The following MYT1L variants were observed in gnomAD, a reference collection of about 807,000 sequenced individuals.
The protein encoded by MYT1L is myelin transcription factor 1-like protein.
In MYT1L, 12 loss-of-function variants were observed where a neutral mutation model predicts 126.7. The observed-to-expected ratio is 0.09, with a 90% CI of 0.06 to 0.15. MYT1L has a LOEUF of 0.15. MYT1L is among the 10% of genes least tolerant of loss of function. The pLI is 1.00. For synonymous variants in MYT1L, 541 were observed against 604.2 expected, an observed-to-expected ratio of 0.90 and a Z score of 1.53; for missense variants, 979 against 1,585.2, an observed-to-expected ratio of 0.62 and a Z score of 6.49.
chr2:2,225,654 G>T (rs1443463213), intron 2 of MYT1L, among the ~76,000 whole-genome samples: 2 of 152,136 alleles, frequency 1.3e-5, no homozygotes, highest in Non-Finnish European at 2.9e-5. Context: ...CCCCACCCCT[G>T]CTTGCCTCCT....
chr2:2,199,661 C>A (rs1199540373), intron 2 of MYT1L, among the ~76,000 whole-genome samples: 2 of 152,204 alleles, frequency 1.3e-5, no homozygotes, highest in African/African-American at 4.8e-5. Flanking sequence ...CAGTTAGTCT[C>A]CTCTGTCTTT....
intron 18 of MYT1L, among the ~76,000 whole-genome samples, chr2:1,866,600 A>T: frequency 9.9e-6 from 1 of 100,940 alleles, no homozygotes; most frequent in Non-Finnish European, 1.9e-5. Flanking sequence ...AGAGAGAGGG[A>T]GAGGGAGGGG....
At chr2:2,214,917 G>T (rs1350654678) in intron 2 of MYT1L, among the ~76,000 whole-genome samples, 3 of 152,110 alleles carry the variant, frequency 2.0e-5, no homozygotes, top group African/African-American at 4.8e-5. Flanking sequence ...TAAAATGTAT[G>T]ATAATAGCAC....
intron 2 of MYT1L, among the ~76,000 whole-genome samples, chr2:2,191,884 C>G (rs1201702620): frequency 6.6e-6 from 1 of 152,188 alleles, no homozygotes; most frequent in Non-Finnish European, 1.5e-5. Flanking sequence ...TGCACAACCT[C>G]CAGCATAGTT....
chr2:2,250,556 G>T (rs1046166699), intron 2 of MYT1L, among the ~76,000 whole-genome samples: 51 of 138,490 alleles, frequency 3.7e-4, no homozygotes, highest in Non-Finnish European at 5.2e-4. Flanking sequence ...ATGGTGAAAG[G>T]GTACAAAAAA....
intron 4 of MYT1L, among the ~76,000 whole-genome samples, chr2:2,024,956 T>C (rs907783438): frequency 2.6e-5 from 4 of 152,274 alleles, no homozygotes; most frequent in African/African-American, 4.8e-5. Context: ...CAGCTGCCCG[T>C]GCCCAGGCCT....
chr2:1,891,911 T>C (rs917151320), intron 15 of MYT1L, 126 bp downstream of exon 15: 11 of 1,408,994 alleles, frequency 7.8e-6, no homozygotes, highest in African/African-American at 4.4e-5. Flanking sequence ...GTGGCGAGAA[T>C]GGTTTAGGAG....
rs2093960648 is a variant in MYT1L at position 2,224,562 on chromosome 2, G to A, written c.-420-51574C>T. On this transcript the variant is annotated intron_variant, in intron 2 of 24. Coordinates refer to ENST00000647738, the MANE Select transcript of MYT1L (RefSeq NM_001303052.2). The surrounding 1 kb of genome is among the most constrained non-coding windows in gnomAD (Gnocchi z 4.0). ...AGGCTGGGCACGGTGGCTGAAGCCT[G>A]TAATCTCAACACTTTGGGAGGTCAA... Among the ~76,000 whole-genome samples the A allele has an allele frequency of 6.6e-6, 1 of 152,188 alleles. No homozygotes were observed. The highest frequency in any genetic ancestry group is 2.4e-5 in the African/African-American group (1 of 41,460).
At chr2:2,061,188 A>T (rs1324127020) in intron 3 of MYT1L, among the ~76,000 whole-genome samples, 3 of 152,032 alleles carry the variant, frequency 2.0e-5, no homozygotes, top group African/African-American at 7.2e-5. Flanking sequence ...TCTTGTTTTC[A>T]CTAGTGGCTC....
intron 9 of MYT1L, among the ~76,000 whole-genome samples, chr2:1,925,739 C>T (rs978877108): frequency 2.0e-5 from 3 of 152,138 alleles, no homozygotes; most frequent in East Asian, 1.9e-4. Context: ...ACTGAGGGCA[C>T]GGTTCGTCCT....
chr2:2,238,747 G>A (rs142418224), intron 2 of MYT1L, among the ~76,000 whole-genome samples: 5 of 152,238 alleles, frequency 3.3e-5, no homozygotes, highest in African/African-American at 1.2e-4. Flanking sequence ...GCAATGCAAC[G>A]ATTGTAAGTG....
intron 8 of MYT1L, among the ~76,000 whole-genome samples, chr2:1,977,431 G>T (rs551007153): frequency 6.6e-6 from 1 of 152,156 alleles, no homozygotes; most frequent in Non-Finnish European, 1.5e-5. Context: ...ATTTGGAAAC[G>T]TCACGATTTT....
At chr2:2,132,041 T>C (rs1296061531) in intron 3 of MYT1L, among the ~76,000 whole-genome samples, 1 of 151,180 alleles carries the variant, frequency 6.6e-6, no homozygotes, top group Non-Finnish European at 1.5e-5. Context: ...CCGGAGTAGC[T>C]GGGATTACAG....
intron 1 of MYT1L, among the ~76,000 whole-genome samples, chr2:2,290,914 C>T (rs1190264268): frequency 6.6e-6 from 1 of 152,154 alleles, no homozygotes; most frequent in Non-Finnish European, 1.5e-5. Flanking sequence ...TGCTATTCTG[C>T]TAGTTCTTAG....
intron 1 of MYT1L, among the ~76,000 whole-genome samples, chr2:2,327,773 G>C (rs2096259901): frequency 1.3e-5 from 2 of 152,136 alleles, no homozygotes; most frequent in African/African-American, 4.8e-5. Flanking sequence ...AAGCAGAGTG[G>C]TCATTATCAA....
chr2:1,982,341 T>C (rs535147903), intron 5 of MYT1L, among the ~76,000 whole-genome samples: 97 of 152,234 alleles, frequency 6.4e-4, no homozygotes, highest in African/African-American at 1.9e-3. Flanking sequence ...GCAGAGATAA[T>C]GGGGTAAAAT....
At chr2:2,281,030 A>G (rs1188464856) in intron 2 of MYT1L, among the ~76,000 whole-genome samples, 5 of 152,122 alleles carry the variant, frequency 3.3e-5, no homozygotes, top group African/African-American at 1.2e-4. Flanking sequence ...CCCCACCCAA[A>G]TCTCATCTTG....
intron 4 of MYT1L, among the ~76,000 whole-genome samples, chr2:2,033,179 G>C (rs2066568922): frequency 6.9e-6 from 1 of 144,176 alleles, no homozygotes; most frequent in Non-Finnish European, 1.5e-5. Context: ...TCTAGAAGGA[G>C]GGCCTTACAC....
intron 21 of MYT1L, among the ~76,000 whole-genome samples, chr2:1,814,690 AGATCT>A (rs1204059867): frequency 6.6e-6 from 1 of 152,174 alleles, no homozygotes; most frequent in Non-Finnish European, 1.5e-5. Context: ...GAATTTTTAA[AGATCT>A]GCTCAGTTAA....
Sources: allele counts gnomAD v4.1 joint callset (sites outside exome capture counted in the v4.1 genomes callset), GRCh38; gene constraint gnomAD v4.1.1; non-coding constraint Gnocchi (gnomAD v3.1); transcripts MANE v1.5; gene names NCBI Gene and HGNC (gene_info 2026-07-23, HGNC 2026-07-21).